The following WDR20 variants were observed in gnomAD, a reference collection of about 807,000 sequenced individuals.
WDR20 encodes WD repeat domain 20.
Under a neutral mutation model 38.7 loss-of-function variants are expected in WDR20, and 3 were observed. That is an observed-to-expected ratio of 0.08 (90% CI 0.04 to 0.20). The LOEUF (loss-of-function observed/expected upper bound fraction) is 0.20. Ranked by LOEUF, WDR20 falls within the 10% of genes least tolerant of loss-of-function variation. The probability of loss-of-function intolerance (pLI) is 1.00; values close to 1 mark genes in which losing one functional copy is unlikely to be tolerated. For synonymous variants in WDR20, 298 were observed against 285.6 expected, an observed-to-expected ratio of 1.04 and a Z score of -0.44; for missense variants, 559 against 727.7, an observed-to-expected ratio of 0.77 and a Z score of 2.67.
chr14:102,206,508 T>C (rs917349103), intron 2 of WDR20, among the ~76,000 whole-genome samples: 9 of 152,226 alleles, frequency 5.9e-5, no homozygotes, highest in Non-Finnish European at 1.3e-4. Flanking sequence ...CTAGAAGTTT[T>C]TATGTCCTGA....
intron 1 of WDR20, among the ~76,000 whole-genome samples, chr14:102,186,594 C>T (rs967310911): frequency 6.6e-6 from 1 of 152,016 alleles, no homozygotes; most frequent in African/African-American, 2.4e-5. Flanking sequence ...CAGCCCCAGG[C>T]CCTGGACTGT....
chr14:102,146,807 C>T (rs1444683426), intron 1 of WDR20, among the ~76,000 whole-genome samples: 4 of 152,168 alleles, frequency 2.6e-5, no homozygotes, highest in Admixed American at 2.0e-4. Flanking sequence ...TAATTTTTCA[C>T]ACCTCCCTGG....
intron 2 of WDR20, among the ~76,000 whole-genome samples, chr14:102,205,248 G>A (rs1389932670): frequency 2.0e-5 from 3 of 148,472 alleles, no homozygotes; most frequent in African/African-American, 5.1e-5. Context: ...GTGATGGAGC[G>A]AGACCCTGTC....
chr14:102,222,696 G>A lies in WDR20; in HGVS notation c.1693-134G>A. Reference sequence around the variant, plus strand: ...ATAGGAATTAAATAGATGAAGTGGAGGGTTTGCTCCCACACTGGCTTCCAC... The same window carrying A: ...ATAGGAATTAAATAGATGAAGTGGAAGGTTTGCTCCCACACTGGCTTCCAC... On this transcript the variant is annotated intron_variant, in intron 3 of 3. Coordinates refer to the WDR20 transcript ENST00000335263. The surrounding 1 kb of genome is among the most constrained non-coding windows in gnomAD (Gnocchi z 4.4). The A allele has an allele frequency of 1.2e-6, 1 of 839,484 alleles. No individual in the cohort carries two copies. The highest frequency in any genetic ancestry group is 2.0e-6 in the Non-Finnish European group (1 of 496,174). 52.0% of individuals were successfully genotyped at this position (839,484 alleles called of 1,614,324 possible). A position where few individuals can be genotyped will look rare whatever the true frequency, so the allele number is the denominator to read the frequency against.
chr14:102,171,259 T>TTC (rs2060767094), intron 1 of WDR20: 1 of 109,200 alleles, frequency 9.2e-6, no homozygotes, highest in Admixed American at 8.3e-5. Context: ...CTCTCTCTTT[T>TTC]TTTTTTTTTT....
Position 102,182,909 on chromosome 14 carries a change from GCATACCTGTAATATACAGGTGGTA to G in WDR20, c.250-12016_250-11993del, listed in dbSNP as rs1339330813. Among the ~76,000 whole-genome samples, 235 of 151,958 alleles carry G rather than the reference GCATACCTGTAATATACAGGTGGTA, an allele frequency of 1.5e-3. 1 individual carries two copies. The highest frequency in any genetic ancestry group is 5.5e-3 in the African/African-American group (229 of 41,420). On this transcript the variant is annotated intron_variant, in intron 1 of 2. Coordinates refer to ENST00000342702, the MANE Select transcript of WDR20 (RefSeq NM_144574.4). ...TAAAATACATATATATACAGGTGGTGCATACCTGTAATATACAGGTGGTACATACCTGTAATCTCAGCTACTTGG... is the reference window on the plus strand; with the variant it reads ...TAAAATACATATATATACAGGTGGTGCATACCTGTAATCTCAGCTACTTGG...
In WDR20 at chr14:102,172,639, C is replaced by T. The variant is rs1213083916; in HGVS notation, c.250-22299C>T. 2.5e-4 allele frequency among the ~76,000 whole-genome samples: 37 copies of T among 146,294 alleles called. 1 individual carries two copies. Among genetic ancestry groups the T allele is most frequent in the Non-Finnish European group, 4.9e-4 (32 of 65,302 alleles). On this transcript the variant is annotated intron_variant, in intron 1 of 2. Transcript: ENST00000342702. ...GCAGAGGCGCCCCTCACCTCCCGGA[C>T]GGGGCGGCTGGCCGGGCAGGGGGCT...
At chr14:102,149,252 A>G (rs1195370108) in intron 1 of WDR20, among the ~76,000 whole-genome samples, 1 of 152,110 alleles carries the variant, frequency 6.6e-6, no homozygotes, top group Non-Finnish European at 1.5e-5. Flanking sequence ...TCTGACCTTG[A>G]ACTCCTGGGC....
intron 1 of WDR20, among the ~76,000 whole-genome samples, chr14:102,147,726 T>G (rs899820631): frequency 6.6e-6 from 1 of 152,234 alleles, no homozygotes; most frequent in East Asian, 1.9e-4. Flanking sequence ...TTTTATTTTA[T>G]TTTAGTTTTA....
At chr14:102,219,921 T>C (rs1192451955), downstream of WDR20, among the ~76,000 whole-genome samples, 2 of 152,202 alleles carry the variant, frequency 1.3e-5, no homozygotes, top group African/African-American at 4.8e-5. Context: ...AGTGGGACAG[T>C]GGAGGGCATG....
intron 2 of WDR20, among the ~76,000 whole-genome samples, chr14:102,198,628 G>C (rs2059806023): frequency 6.6e-6 from 1 of 152,192 alleles, no homozygotes; most frequent in Admixed American, 6.5e-5. Flanking sequence ...TGAAGTAAGG[G>C]CATGAGATTG....
chr14:102,195,796 T>C (rs1271470728), intron 2 of WDR20: 1 of 152,248 alleles, frequency 6.6e-6, no homozygotes, highest in Non-Finnish European at 1.5e-5. Context: ...GTAGATTATA[T>C]TTTTTAAAGC....
In WDR20 at chr14:102,165,643, T is replaced by C. The variant is rs1330239652; in HGVS notation, c.249+25471T>C. Reference sequence around the variant, plus strand: ...TTCTTTTTCTTTTCTTTTCTTTTTTTTTTTTTTTTTGGAGACAGGGTCTCA... The same window carrying C: ...TTCTTTTTCTTTTCTTTTCTTTTTTCTTTTTTTTTTGGAGACAGGGTCTCA... On this transcript the variant is annotated intron_variant, in intron 1 of 2. Transcript: ENST00000342702. 4.0e-5 allele frequency among the ~76,000 whole-genome samples: 6 copies of C among 148,880 alleles called. No homozygotes were observed. In the East Asian group the frequency reaches 1.2e-3, roughly 29 times the overall value.
chr14:102,202,889 C>G (rs1054808841), intron 2 of WDR20, among the ~76,000 whole-genome samples: 6 of 152,192 alleles, frequency 3.9e-5, no homozygotes, highest in African/African-American at 1.2e-4. Flanking sequence ...CAGCCAATTT[C>G]TGTGACATTC....
chr14:102,169,741 T>C (rs147840054), intron 1 of WDR20, among the ~76,000 whole-genome samples: 1,681 of 152,252 alleles, frequency 0.011, 32 homozygotes, highest in African/African-American at 0.038. Flanking sequence ...TTGGCCAGGC[T>C]GGTCTCGAAC....
downstream of WDR20, chr14:102,212,993 G>T (rs961850990): frequency 2.0e-6 from 2 of 996,188 alleles, no homozygotes; most frequent in Non-Finnish European, 2.4e-6. Context: ...TCAGGTGCAC[G>T]CTGCGTGGCT....
At chr14:102,184,061 G>A (rs1300624246) in intron 1 of WDR20, among the ~76,000 whole-genome samples, 1 of 151,934 alleles carries the variant, frequency 6.6e-6, no homozygotes. Context: ...ATGGGAATAC[G>A]TATTCCTATA....
rs747298783 is a variant in WDR20 at position 102,140,109 on chromosome 14, C to G, written c.186C>G (p.Gly62=). 6.2e-7 allele frequency: 1 copy of G among 1,614,050 alleles called. No individual in the cohort carries two copies. The highest frequency in any genetic ancestry group is 8.5e-7 in the Non-Finnish European group (1 of 1,179,998). The part of the protein sequence containing the change: ...FVNLNDQSGN[G]DRLCFNVGRE... ...ACCTCAACGACCAGTCTGGCAACGG[C>G]GACCGCCTCTGCTTCAATGTGGGCC... is the stretch of plus-strand genomic sequence containing the variant. Residue 62 remains glycine (G), a synonymous_variant, in exon 1 of 3, where the codon GGC becomes GGG. Transcript: ENST00000342702.
chr14:102,187,803 G>A (rs2065241880), intron 1 of WDR20, among the ~76,000 whole-genome samples: 1 of 152,238 alleles, frequency 6.6e-6, no homozygotes. Context: ...TTGGGCAGGG[G>A]TGCCAGGCAG....
Sources: allele counts gnomAD v4.1 joint callset (sites outside exome capture counted in the v4.1 genomes callset), GRCh38; gene constraint gnomAD v4.1.1; non-coding constraint Gnocchi (gnomAD v3.1); transcripts MANE v1.5; gene names NCBI Gene and HGNC (gene_info 2026-07-23, HGNC 2026-07-21).